PTPRJ: variants seen among roughly 807,000 people sequenced by gnomAD.
The protein encoded by PTPRJ is protein tyrosine phosphatase receptor type J, also known as receptor-type tyrosine-protein phosphatase eta.
PTPRJ carries 129 observed loss-of-function variants against 141.3 expected under a neutral mutation model. The ratio of observed to expected loss-of-function variants is 0.91; its 90% CI spans 0.79 to 1.06. The LOEUF is 1.06. Among genes scored for constraint, PTPRJ ranks in the 50% least tolerant of loss-of-function variants. PTPRJ has a pLI of 0.00. For missense variants in PTPRJ, 1,601 were observed against 1,679.7 expected, an observed-to-expected ratio of 0.95 and a Z score of 0.82; for synonymous variants, 610 against 640.5, an observed-to-expected ratio of 0.95 and a Z score of 0.72.
At chr11:48,129,488 G>A (rs1856920660) in intron 7 of PTPRJ, among the ~76,000 whole-genome samples, 1 of 152,068 alleles carries the variant, frequency 6.6e-6, no homozygotes, top group African/African-American at 2.4e-5. Flanking sequence ...TTACCTCTTT[G>A]AAGACCCTGT....
intron 1 of PTPRJ, among the ~76,000 whole-genome samples, chr11:47,983,453 G>C (rs910510185): frequency 1.3e-5 from 2 of 152,192 alleles, no homozygotes; most frequent in African/African-American, 4.8e-5. Flanking sequence ...ACAAGTCATG[G>C]AAAAGACACA....
At chr11:47,983,156 C>CT (rs1853957767) in intron 1 of PTPRJ, among the ~76,000 whole-genome samples, 1 of 152,070 alleles carries the variant, frequency 6.6e-6, no homozygotes, top group African/African-American at 2.4e-5. Flanking sequence ...CCTGGGTCAC[C>CT]GGCCTGGGCC....
rs778269331 is a variant in PTPRJ, at chr11:48,167,192, T to G, written c.3856-12T>G. 6.2e-7 allele frequency: 1 copy of G among 1,600,120 alleles called. No homozygotes were observed. The highest frequency in any genetic ancestry group is 8.5e-7 in the Non-Finnish European group (1 of 1,172,426). On this transcript the variant is annotated splice_polypyrimidine_tract_variant and intron_variant, in intron 24 of 24. Coordinates refer to ENST00000418331, the MANE Select transcript of PTPRJ (RefSeq NM_002843.4). Reference sequence around the variant, plus strand: ...GTTCATTTTCTGTCTCTCTCTTTCGTTTTTCTATCAGGACCAGTATGTTTT... The same window carrying G: ...GTTCATTTTCTGTCTCTCTCTTTCGGTTTTCTATCAGGACCAGTATGTTTT...
intron 1 of PTPRJ, among the ~76,000 whole-genome samples, chr11:48,075,049 A>G (rs939459545): frequency 1.3e-5 from 2 of 152,352 alleles, no homozygotes; most frequent in Middle Eastern, 3.4e-3. Context: ...GGAGGAGAAC[A>G]TGAAGAATAG....
chr11:48,033,047 G>A (rs1221474349), intron 1 of PTPRJ, among the ~76,000 whole-genome samples: 6 of 150,932 alleles, frequency 4.0e-5, no homozygotes, highest in Non-Finnish European at 7.4e-5. Context: ...GTGAGACTCC[G>A]TCTCTATTAA....
chr11:48,023,926 A>G (rs776781905), intron 1 of PTPRJ, among the ~76,000 whole-genome samples: 2 of 152,010 alleles, frequency 1.3e-5, no homozygotes, highest in Admixed American at 6.6e-5. Flanking sequence ...GTGCCATCCT[A>G]GGCTACCTCA....
At position 48,156,054 on chromosome 11, in the gene PTPRJ, C is replaced by T. The variant is rs536396969; in HGVS notation, c.3373C>T (p.Arg1125Cys). The change falls in exon 21 of 25, where the codon CGT becomes TGT. Residue 1125 changes from arginine to cysteine, a missense_variant. Transcript: ENST00000418331. ...PLPNTLKDFW[R>C]MVWEKNVYAI... Reference sequence around the variant, plus strand: ...ACCGAACACTTTGAAAGATTTTTGGCGTATGGTTTGGGAGAAAAATGTATA... The same window carrying T: ...ACCGAACACTTTGAAAGATTTTTGGTGTATGGTTTGGGAGAAAAATGTATA... The T allele has an allele frequency of 2.5e-5, 40 of 1,602,592 alleles. No homozygotes were observed. Among genetic ancestry groups the T allele is most frequent in the Non-Finnish European group, 2.9e-5 (34 of 1,169,612 alleles).
intron 19 of PTPRJ, among the ~76,000 whole-genome samples, chr11:48,154,847 G>A (rs1857563788): frequency 6.6e-6 from 1 of 152,118 alleles, no homozygotes; most frequent in South Asian, 2.1e-4. Flanking sequence ...GGGATTATTG[G>A]CCCCTTTTTG....
At chr11:48,129,651 A>AC (rs1162292174) in intron 7 of PTPRJ, among the ~76,000 whole-genome samples, 1 of 151,864 alleles carries the variant, frequency 6.6e-6, no homozygotes, top group Admixed American at 6.6e-5. Flanking sequence ...TGCAGAACTG[A>AC]CCCCCTGGAG....
intron 8 of PTPRJ, among the ~76,000 whole-genome samples, chr11:48,134,083 A>T (rs1220157688): frequency 1.3e-5 from 2 of 152,214 alleles, no homozygotes; most frequent in East Asian, 3.8e-4. Context: ...ACACTGACAA[A>T]TGGTTAAGAT....
chr11:48,051,514 T>C (rs925493858), intron 1 of PTPRJ, among the ~76,000 whole-genome samples: 1 of 152,190 alleles, frequency 6.6e-6, no homozygotes, highest in Non-Finnish European at 1.5e-5. Flanking sequence ...AAAAACCTAC[T>C]CCTGGTGTTC....
intron 1 of PTPRJ, among the ~76,000 whole-genome samples, chr11:48,090,555 G>C (rs1158255122): frequency 6.6e-6 from 1 of 152,220 alleles, no homozygotes; most frequent in African/African-American, 2.4e-5. Context: ...CAGACTAGCA[G>C]TAGGTACACG....
chr11:48,024,787 G>A (rs137982389), intron 1 of PTPRJ, among the ~76,000 whole-genome samples: 77 of 152,330 alleles, frequency 5.1e-4, no homozygotes, highest in Non-Finnish European at 9.0e-4. Flanking sequence ...TGGCATCTGC[G>A]CCAGGGCTAC....
chr11:48,051,581 T>TAATGA, intron 1 of PTPRJ, among the ~76,000 whole-genome samples: 1 of 152,362 alleles, frequency 6.6e-6, no homozygotes, highest in South Asian at 2.1e-4. Flanking sequence ...AGAATCATTA[T>TAATGA]GTTAATGATA....
Position 48,097,726 on chromosome 11 carries a change from C to T in PTPRJ, c.97-12332C>T, listed in dbSNP as rs1009213982. On this transcript the variant is annotated intron_variant, in intron 1 of 24. Transcript: ENST00000418331. ...CTAAGTTTTTGTATTTTAGTAGAGA[C>T]GGGGTTTCACCGTGTTGCCCCAGGC... 3.3e-5 allele frequency among the ~76,000 whole-genome samples: 5 copies of T among 152,160 alleles called. No individual in the cohort carries two copies. The South Asian group carries it at 6.2e-4, about 19-fold the overall frequency.
intron 1 of PTPRJ, among the ~76,000 whole-genome samples, chr11:48,005,373 C>T (rs768500995): frequency 8.5e-5 from 13 of 152,336 alleles, no homozygotes; most frequent in Middle Eastern, 3.4e-3. Flanking sequence ...CCCCCACCTC[C>T]TGGCAACCAC....
intron 1 of PTPRJ, among the ~76,000 whole-genome samples, chr11:48,049,215 A>AC: frequency 6.6e-6 from 1 of 151,720 alleles, no homozygotes; most frequent in Admixed American, 6.6e-5. Flanking sequence ...TGCCAGTAGC[A>AC]CCCCCCTCCC....
At chr11:47,985,526 A>T (rs895294313) in intron 1 of PTPRJ, among the ~76,000 whole-genome samples, 1 of 152,196 alleles carries the variant, frequency 6.6e-6, no homozygotes, top group African/African-American at 2.4e-5. Flanking sequence ...GAAATAAAAA[A>T]AAAGAAAAAT....
At chr11:48,129,024 G>A (rs7129364) in intron 7 of PTPRJ, among the ~76,000 whole-genome samples, 24,790 of 152,130 alleles carry the variant, frequency 0.16, 2,307 homozygotes, top group African/African-American at 0.24. Context: ...CCAAGTATCC[G>A]TGGCTTAAAC....
Sources: allele counts gnomAD v4.1 joint callset (sites outside exome capture counted in the v4.1 genomes callset), GRCh38; gene constraint gnomAD v4.1.1; transcripts MANE v1.5; gene names NCBI Gene and HGNC (gene_info 2026-07-23, HGNC 2026-07-21).